ANKAR: variants seen among roughly 807,000 people sequenced by gnomAD.
ANKAR encodes ankyrin and armadillo repeat-containing protein.
ANKAR carries 136 observed loss-of-function variants against 146.2 expected under a neutral mutation model. The ratio of observed to expected loss-of-function variants is 0.93; its 90% confidence interval spans 0.81 to 1.07. The LOEUF (loss-of-function observed/expected upper bound fraction) is 1.07. Ranked by LOEUF, ANKAR falls within the 50% of genes least tolerant of loss-of-function variation. The pLI, the probability that ANKAR is intolerant of heterozygous loss-of-function variation, is 0.00. For synonymous variants in ANKAR, 500 were observed against 575.8 expected, an observed-to-expected ratio of 0.87 and a Z score of 1.88; for missense variants, 1,567 against 1,679.9, an observed-to-expected ratio of 0.93 and a Z score of 1.18.
At chr2:189,743,558 A>C in intron 21 of ANKAR, 84 bp downstream of exon 21, 2 of 1,236,272 alleles carry the variant, frequency 1.6e-6, no homozygotes, top group Non-Finnish European at 2.3e-6. Context: ...CAACAAGAGG[A>C]ACTATTCTTG....
chr2:189,696,613 C>T (rs55761227), intron 7 of ANKAR, among the ~76,000 whole-genome samples: 2,509 of 152,202 alleles, frequency 0.016, 35 homozygotes, highest in Middle Eastern at 0.041. Context: ...TATAAGAGGG[C>T]AAAGATTTAG....
intron 2 of ANKAR, among the ~76,000 whole-genome samples, chr2:189,678,730 C>T (rs1328943348): frequency 6.6e-6 from 1 of 152,148 alleles, no homozygotes; most frequent in Admixed American, 6.5e-5. Flanking sequence ...AGATCAGTTG[C>T]CCATAAGTAC....
At chr2:189,707,170 A>G in intron 9 of ANKAR, 24 bp downstream of exon 9, 3 of 1,278,946 alleles carry the variant, frequency 2.3e-6, no homozygotes, top group South Asian at 1.8e-5. Context: ...CTTTATAAAT[A>G]CATGTTCTGA....
At chr2:189,682,192 G>A (rs1017810974) in intron 2 of ANKAR, among the ~76,000 whole-genome samples, 5 of 152,124 alleles carry the variant, frequency 3.3e-5, no homozygotes, top group African/African-American at 4.8e-5. Context: ...AGGAGGCTGA[G>A]GCAGGAGAAT....
intron 18 of ANKAR, among the ~76,000 whole-genome samples, chr2:189,759,066 G>C (rs2046545655): frequency 6.6e-6 from 1 of 152,114 alleles, no homozygotes; most frequent in Admixed American, 6.5e-5. Flanking sequence ...TGTAGGTCTA[G>C]ACATCATGTC....
Position 189,676,862 on chromosome 2 carries a change from T to C in ANKAR, c.372T>C (p.Ala124=). The C allele has an allele frequency of 6.2e-7, 1 of 1,614,238 alleles. No individual in the cohort carries two copies. Among genetic ancestry groups the C allele is most frequent in the Non-Finnish European group, 8.5e-7 (1 of 1,180,042 alleles). ...AAATCCCTTCCATCAGTTTAGAAGC[T>C]AATTATGATCAGAGTTCTTCTTGTC... ...LNQIPSISLE[A]NYDQSSSCQL... Residue 124 remains alanine, a synonymous_variant, in exon 2 of 23, where the codon GCT becomes GCC. Coordinates refer to ENST00000684021, the MANE Select transcript of ANKAR (RefSeq NM_001378068.1).
chr2:189,696,555 A>G (rs916196715), intron 7 of ANKAR, among the ~76,000 whole-genome samples, 186 bp downstream of exon 7: 2 of 152,192 alleles, frequency 1.3e-5, no homozygotes, highest in African/African-American at 2.4e-5. Context: ...GCTAGCTTAT[A>G]TGGTTTTATA....
chr2:189,704,550 T>TATAC (rs1553517405), intron 7 of ANKAR, among the ~76,000 whole-genome samples: 10 of 20,126 alleles, frequency 5.0e-4, no homozygotes. Flanking sequence ...TTAACATATA[T>TATAC]ATATATATAT....
In ANKAR at chr2:189,710,672, C is replaced by T. The variant is rs570413494; in HGVS notation, c.2120-377C>T. ...CAAAAATTAGCCAGGTGTGGTGGTG[C>T]ATACCTGTAGTCTCAGCTACTAGGA... On this transcript the variant is annotated intron_variant, in intron 9 of 22. Transcript: ENST00000684021. Among the ~76,000 whole-genome samples, 3 of 152,234 alleles carry T rather than the reference C, an allele frequency of 2.0e-5. No individual in the cohort carries two copies. In the South Asian group the frequency reaches 6.2e-4, roughly 32 times the overall value.
chr2:189,753,061 G>T, intron 18 of ANKAR: 1 of 1,286,528 alleles, frequency 7.8e-7, no homozygotes, highest in Non-Finnish European at 1.1e-6. Flanking sequence ...AAAAATATCA[G>T]CATTAAACAA....
chr2:189,676,441 T>C lies in ANKAR; in HGVS notation c.-35-15T>C, dbSNP rs1402231634. 2.0e-6 allele frequency: 3 copies of C among 1,476,334 alleles called. No homozygotes were observed. The highest frequency in any genetic ancestry group is 2.8e-5 in the African/African-American group (2 of 70,908). The allele number at this position is 1,476,334 out of a possible 1,614,324, so 91.5% of individuals were successfully genotyped here. A position where few individuals can be genotyped will look rare whatever the true frequency, so the allele number is the denominator to read the frequency against. ...CAGATTTTATTGATAATCTTTTCCT[T>C]CTTATTCATTGCAGAAGCTTCAAAA... On this transcript the variant is annotated splice_polypyrimidine_tract_variant and intron_variant, in intron 1 of 22. Coordinates refer to ENST00000684021, the MANE Select transcript of ANKAR (RefSeq NM_001378068.1).
chr2:189,751,116 A>T (rs114619732), downstream of ANKAR, among the ~76,000 whole-genome samples: 1,583 of 152,258 alleles, frequency 0.01, 36 homozygotes, highest in African/African-American at 0.036. Flanking sequence ...CTTTGCCATT[A>T]CTAGCCAAAG....
intron 10 of ANKAR, among the ~76,000 whole-genome samples, chr2:189,716,205 A>G (rs1446934636): frequency 6.6e-6 from 1 of 152,236 alleles, no homozygotes. Context: ...GTCTCAGTCC[A>G]AAATCTCCTT....
chr2:189,712,577 A>T (rs1426319391), intron 10 of ANKAR, among the ~76,000 whole-genome samples: 1 of 152,148 alleles, frequency 6.6e-6, no homozygotes, highest in Non-Finnish European at 1.5e-5. Flanking sequence ...TAGCATCAAC[A>T]TCAACAAAAA....
At position 189,722,349 on chromosome 2, in the gene ANKAR, A is replaced by AAAAAAC. The variant is rs397743935; in HGVS notation, c.2635+1562_2635+1563insAAAAAC. Among the ~76,000 whole-genome samples the AAAAAAC allele has an allele frequency of 2.8e-5, 4 of 142,612 alleles. No individual in the cohort carries two copies. In the Admixed American group the frequency reaches 2.8e-4, roughly 10 times the overall value. The allele number at this position is 142,612 out of a possible 152,430, so 93.6% of individuals were successfully genotyped here. ...GCGAGACTCCATCTCAAAAAAAAAAAGGAAAAAAGAATAGCATTAGAGAGG... is the reference window on the plus strand; with the variant it reads ...GCGAGACTCCATCTCAAAAAAAAAAAAAAAACGGAAAAAAGAATAGCATTAGAGAGG... On this transcript the variant is annotated intron_variant, in intron 12 of 22. Coordinates refer to ENST00000684021, the MANE Select transcript of ANKAR (RefSeq NM_001378068.1).
Position 189,684,054 on chromosome 2 carries a change from C to A in ANKAR, c.602-5473C>A, listed in dbSNP as rs1396770809. 2.6e-5 allele frequency among the ~76,000 whole-genome samples: 4 copies of A among 152,170 alleles called. No individual in the cohort carries two copies. In the South Asian group the frequency reaches 8.3e-4, roughly 32 times the overall value. On this transcript the variant is annotated intron_variant, in intron 2 of 22. Coordinates refer to ENST00000684021, the MANE Select transcript of ANKAR (RefSeq NM_001378068.1). The stretch of plus-strand genomic sequence containing the variant: ...TTAGGGTGGATCCCTTCATCTAATT[C>A]ATAAATTCTTAGACTCTTTCCAGAA...
downstream of ANKAR, among the ~76,000 whole-genome samples, chr2:189,749,443 C>T (rs1416564558): frequency 6.6e-6 from 1 of 151,016 alleles, no homozygotes; most frequent in East Asian, 1.9e-4. Context: ...GAAAGGCCTC[C>T]AGATATAGAG....
Position 189,743,464 on chromosome 2 carries a change from C to A in ANKAR, c.4000C>A (p.Pro1334Thr). Residue 1334 changes from proline to threonine, a missense_variant, in exon 21 of 23, where the codon CCT becomes ACT. Coordinates refer to ENST00000684021, the MANE Select transcript of ANKAR (RefSeq NM_001378068.1). Reference protein sequence around the residue: ...FQMQQTLVGLPSLSLEKNGGP... With the variant: ...FQMQQTLVGLTSLSLEKNGGP... ...AATGCAACAAACACTGGTGGGACTT[C>A]CTTCCTTAAGGTATGGTCCTATGTT... 6.2e-7 allele frequency: 1 copy of A among 1,613,202 alleles called. No individual in the cohort carries two copies. The highest frequency in any genetic ancestry group is 8.5e-7 in the Non-Finnish European group (1 of 1,179,476).
intron 19 of ANKAR, 143 bp from the exon 20 acceptor site, chr2:189,741,199 T>A: frequency 2.1e-6 from 1 of 468,538 alleles, no homozygotes; most frequent in African/African-American, 2.0e-5. Context: ...TATATTTACA[T>A]ATGCATGCTT....
Sources: gnomAD v4.1 joint callset for allele counts (sites outside exome capture counted in the v4.1 genomes callset) on GRCh38, gnomAD v4.1.1 for gene constraint, MANE v1.5 for transcripts, NCBI Gene and HGNC (gene_info 2026-07-23, HGNC 2026-07-21) for gene names.